The following LRMDA variants were observed in gnomAD, a reference collection of about 807,000 sequenced individuals.
LRMDA encodes leucine rich melanocyte differentiation associated.
Under a neutral mutation model 29.8 loss-of-function variants are expected in LRMDA, and 18 were observed. The observed-to-expected ratio is 0.60, with a 90% CI of 0.42 to 0.90. The LOEUF (loss-of-function observed/expected upper bound fraction) is 0.90, where lower values mean the gene tolerates loss of function less well. Among genes scored for constraint, LRMDA ranks in the 40% least tolerant of loss-of-function variants. LRMDA has a pLI of 0.00. For missense variants in LRMDA, 273 were observed against 273.9 expected, an observed-to-expected ratio of 1.00 and a Z score of 0.02; for synonymous variants, 125 against 109.4, an observed-to-expected ratio of 1.14 and a Z score of -0.89.
At chr10:76,246,184 A>G (rs1450467647) in intron 5 of LRMDA, among the ~76,000 whole-genome samples, 1 of 152,114 alleles carries the variant, frequency 6.6e-6, no homozygotes, top group African/African-American at 2.4e-5. Flanking sequence ...TGCTGGTGTT[A>G]TTTGTCATCA....
intron 6 of LRMDA, among the ~76,000 whole-genome samples, chr10:76,538,542 A>G (rs912819330): frequency 1.4e-5 from 2 of 142,896 alleles, no homozygotes; most frequent in South Asian, 2.2e-4. Context: ...AGTTATATAT[A>G]TGTATATATA....
chr10:76,043,836 G>C (rs2132037334), intron 3 of LRMDA, among the ~76,000 whole-genome samples: 1 of 152,300 alleles, frequency 6.6e-6, no homozygotes, highest in Admixed American at 6.5e-5. Context: ...GCCAGTTTGG[G>C]GTTCCATTCC....
chr10:75,714,852 TCCCTC>T (rs1842479764), intron 2 of LRMDA, among the ~76,000 whole-genome samples: 19 of 72,684 alleles, frequency 2.6e-4, no homozygotes, highest in Non-Finnish European at 4.1e-4. Context: ...CCTCCCTCCC[TCCCTC>T]CCTTCCTTCC....
intron 2 of LRMDA, among the ~76,000 whole-genome samples, chr10:75,601,577 T>G (rs1840886065): frequency 6.6e-6 from 1 of 152,188 alleles, no homozygotes; most frequent in South Asian, 2.1e-4. Flanking sequence ...AAGGGAATTT[T>G]TATATACAAA....
intron 2 of LRMDA, among the ~76,000 whole-genome samples, chr10:75,493,406 A>G (rs1475543421): frequency 1.4e-5 from 2 of 148,080 alleles, no homozygotes; most frequent in Non-Finnish European, 3.0e-5. Context: ...ATGAAATCAG[A>G]GTGGGAAAAT....
chr10:75,618,674 G>A (rs1841141176), intron 2 of LRMDA, among the ~76,000 whole-genome samples: 2 of 149,414 alleles, frequency 1.3e-5, no homozygotes, highest in African/African-American at 4.9e-5. Context: ...ATAAACAGTA[G>A]ATTAACATAT....
chr10:76,351,607 A>G (rs1248001364), intron 6 of LRMDA, among the ~76,000 whole-genome samples: 1 of 151,488 alleles, frequency 6.6e-6, no homozygotes, highest in Non-Finnish European at 1.5e-5. Context: ...ACAGCTACCA[A>G]TGTTATGCAC....
chr10:76,218,326 A>G lies in LRMDA; in HGVS notation c.517-106075A>G, dbSNP rs148181427. On this transcript the variant is annotated intron_variant, in intron 5 of 6. Transcript: ENST00000611255. ...CTGAGTGCAGGAAGCCACCTCGGGC[A>G]GTGCAGGGCTGACAGCCCAAATGAT... is the stretch of plus-strand genomic sequence containing the variant. Among the ~76,000 whole-genome samples the G allele has an allele frequency of 1.1e-3, 162 of 152,340 alleles. 1 individual carries two copies. The highest frequency in any genetic ancestry group is 3.5e-3 in the African/African-American group (146 of 41,568).
chr10:76,188,935 T>TACACAC (rs3998129), intron 5 of LRMDA, among the ~76,000 whole-genome samples: 3,272 of 141,674 alleles, frequency 0.023, 113 homozygotes, highest in African/African-American at 0.075. Context: ...TGATTGCATG[T>TACACAC]ACACACACAC....
chr10:75,514,994 C>T (rs1271481679), intron 2 of LRMDA, among the ~76,000 whole-genome samples: 1 of 151,636 alleles, frequency 6.6e-6, no homozygotes, highest in Non-Finnish European at 1.5e-5. Context: ...AGGTCATCAA[C>T]TGATGAATAA....
At chr10:76,256,531 G>A (rs1348742556) in intron 5 of LRMDA, among the ~76,000 whole-genome samples, 1 of 152,112 alleles carries the variant, frequency 6.6e-6, no homozygotes, top group Admixed American at 6.5e-5. Context: ...GGGATGCATT[G>A]TTTGTAGAAA....
chr10:75,717,398 C>A (rs932403137), intron 2 of LRMDA, among the ~76,000 whole-genome samples: 1 of 152,198 alleles, frequency 6.6e-6, no homozygotes, highest in Non-Finnish European at 1.5e-5. Flanking sequence ...CCTGGGGAAT[C>A]GTGGGATCCT....
chr10:76,426,247 A>G (rs1229255494), intron 6 of LRMDA, among the ~76,000 whole-genome samples: 3 of 152,136 alleles, frequency 2.0e-5, no homozygotes, highest in Admixed American at 6.5e-5. Context: ...ATTTCTCCAC[A>G]TCCTCTCCAG....
At chr10:75,433,866 A>AT (rs2132018519) in intron 1 of LRMDA, among the ~76,000 whole-genome samples, 1 of 152,356 alleles carries the variant, frequency 6.6e-6, no homozygotes, top group South Asian at 2.1e-4. Context: ...CAATTAAACA[A>AT]TTTAATGAGA....
chr10:76,325,492 T>G (rs2132399423), intron 6 of LRMDA, among the ~76,000 whole-genome samples: 1 of 152,342 alleles, frequency 6.6e-6, no homozygotes, highest in Non-Finnish European at 1.5e-5. Context: ...TGCTATGTTT[T>G]GAGGGGCATG....
intron 2 of LRMDA, among the ~76,000 whole-genome samples, chr10:75,796,510 C>A (rs1843655907): frequency 6.6e-6 from 1 of 152,188 alleles, no homozygotes; most frequent in South Asian, 2.1e-4. Flanking sequence ...TTGCAGTACT[C>A]AGATGAGCAT....
chr10:76,129,771 C>A (rs547373492), intron 5 of LRMDA, among the ~76,000 whole-genome samples: 1 of 152,248 alleles, frequency 6.6e-6, no homozygotes, highest in Admixed American at 6.5e-5. Context: ...TACACACACA[C>A]CCCTTCCACT....
chr10:75,446,246 C>A (rs1356287781), intron 2 of LRMDA, among the ~76,000 whole-genome samples: 1 of 152,236 alleles, frequency 6.6e-6, no homozygotes, highest in African/African-American at 2.4e-5. Flanking sequence ...CTGCTTCTGT[C>A]ACTCACCTGT....
chr10:76,190,602 G>T (rs1736281478), intron 5 of LRMDA, among the ~76,000 whole-genome samples: 1 of 152,162 alleles, frequency 6.6e-6, no homozygotes, highest in Non-Finnish European at 1.5e-5. Flanking sequence ...TAGCAGGTGG[G>T]AATTGCCATT....
Sources: gnomAD v4.1 joint callset for allele counts (sites outside exome capture counted in the v4.1 genomes callset) on GRCh38, gnomAD v4.1.1 for gene constraint, MANE v1.5 for transcripts, NCBI Gene and HGNC (gene_info 2026-07-23, HGNC 2026-07-21) for gene names.